Variants in FGF14 observed in about 807,000 individuals in gnomAD.
The protein encoded by FGF14 is fibroblast growth factor homologous factor 4.
A neutral mutation model predicts 25.5 loss-of-function variants in FGF14; 5 were observed. That is an observed-to-expected ratio of 0.20 (90% confidence interval 0.10 to 0.41). The LOEUF is 0.41. Ranked by LOEUF, FGF14 falls within the 10% of genes least tolerant of loss-of-function variation. The pLI is 1.00. For missense variants in FGF14, 222 were observed against 320.1 expected (o/e 0.69, Z 2.34); for synonymous variants, 138 against 118.3 (o/e 1.17, Z -1.08).
intron 3 of FGF14, among the ~76,000 whole-genome samples, chr13:101,731,990 G>T (rs1394285372): frequency 6.6e-6 from 1 of 152,150 alleles, no homozygotes; most frequent in Non-Finnish European, 1.5e-5. Context: ...GGTAAAATTT[G>T]AGGACTTTCC....
At chr13:102,205,279 T>C (rs1251044936) in intron 1 of FGF14, among the ~76,000 whole-genome samples, 1 of 152,200 alleles carries the variant, frequency 6.6e-6, no homozygotes, top group Non-Finnish European at 1.5e-5. Context: ...ATTTCTAATA[T>C]TGACCTTACA....
intron 3 of FGF14, among the ~76,000 whole-genome samples, chr13:101,744,546 T>C (rs748460114): frequency 5.9e-5 from 9 of 152,082 alleles, no homozygotes; most frequent in Non-Finnish European, 8.8e-5. Context: ...GCACAGTAGA[T>C]GATTAATAAA....
chr13:102,187,897 T>C (rs950917239), intron 1 of FGF14, among the ~76,000 whole-genome samples: 1 of 152,278 alleles, frequency 6.6e-6, no homozygotes, highest in Middle Eastern at 3.4e-3. Context: ...ATTCCACATA[T>C]AATGGGTAAA....
At chr13:102,052,833 C>A (rs1163904428) in intron 1 of FGF14, among the ~76,000 whole-genome samples, 1 of 152,026 alleles carries the variant, frequency 6.6e-6, no homozygotes, top group Non-Finnish European at 1.5e-5. Flanking sequence ...ACAAAAACAT[C>A]TGAAAGTACA....
At chr13:101,978,317 G>T (rs1347622253) in intron 1 of FGF14, among the ~76,000 whole-genome samples, 1 of 152,152 alleles carries the variant, frequency 6.6e-6, no homozygotes, top group Non-Finnish European at 1.5e-5. Context: ...GCATTTTCTT[G>T]ACATTTCTAG....
chr13:101,798,858 A>G (rs2040709457), intron 3 of FGF14, among the ~76,000 whole-genome samples: 1 of 152,174 alleles, frequency 6.6e-6, no homozygotes, highest in Admixed American at 6.6e-5. Context: ...TGGCGTAAGC[A>G]GTGAGAAAGT....
intron 3 of FGF14, among the ~76,000 whole-genome samples, chr13:101,751,694 A>G (rs2037284943): frequency 6.6e-6 from 1 of 152,170 alleles, no homozygotes; most frequent in Non-Finnish European, 1.5e-5. Flanking sequence ...ATTAATTTAC[A>G]TATTGCCTAA....
chr13:102,057,645 A>T (rs2042494557), intron 1 of FGF14, among the ~76,000 whole-genome samples: 1 of 152,198 alleles, frequency 6.6e-6, no homozygotes. Context: ...ATAGCTATTT[A>T]TGGCATGAAT....
In FGF14 at chr13:102,176,256, T is replaced by C. The variant is rs183354696; in HGVS notation, c.208+225215A>G. ...GCAGCCACAAAGAAGAATGAAATCA[T>C]GTCTTTTGTAGCAACATGGATGGAA... On this transcript the variant is annotated intron_variant, in intron 1 of 4. Transcript: ENST00000376131. Among the ~76,000 whole-genome samples, 225 of 152,292 alleles carry C rather than the reference T, an allele frequency of 1.5e-3. 2 individuals are homozygous for C. The highest frequency in any genetic ancestry group is 5.1e-3 in the African/African-American group (211 of 41,580).
chr13:101,811,694 T>C (rs1322700), intron 3 of FGF14, among the ~76,000 whole-genome samples: 151,333 of 152,324 alleles, frequency 0.99, 75,186 homozygotes, highest in Middle Eastern at 1. Context: ...AACTGCCAAG[T>C]TGTCTTTCAA....
chr13:102,140,341 C>G (rs2046597166), intron 1 of FGF14, among the ~76,000 whole-genome samples: 1 of 152,114 alleles, frequency 6.6e-6, no homozygotes, highest in African/African-American at 2.4e-5. Context: ...AAAACAGACT[C>G]AGTGCTTTCT....
chr13:102,102,611 C>T (rs1396737580), intron 1 of FGF14, among the ~76,000 whole-genome samples: 1 of 152,198 alleles, frequency 6.6e-6, no homozygotes, highest in African/African-American at 2.4e-5. Flanking sequence ...TGCCCTGCCA[C>T]TGAATATCAC....
intron 1 of FGF14, among the ~76,000 whole-genome samples, chr13:102,331,951 G>A (rs1030168905): frequency 6.6e-6 from 1 of 152,168 alleles, no homozygotes; most frequent in Non-Finnish European, 1.5e-5. Context: ...AAAGGGCACA[G>A]AAATAGCAAT....
intron 1 of FGF14, among the ~76,000 whole-genome samples, chr13:102,133,382 T>C (rs574889535): frequency 6.6e-6 from 1 of 152,336 alleles, no homozygotes; most frequent in African/African-American, 2.4e-5. Flanking sequence ...CTTACGAATG[T>C]CTTATTAAAA....
intron 1 of FGF14, among the ~76,000 whole-genome samples, chr13:102,031,327 A>G (rs1158543358): frequency 2.0e-5 from 3 of 152,140 alleles, no homozygotes; most frequent in Non-Finnish European, 4.4e-5. Flanking sequence ...TTAGCAACAC[A>G]TTACACACCA....
chr13:102,119,412 C>A (rs1275106499), intron 1 of FGF14, among the ~76,000 whole-genome samples: 1 of 152,012 alleles, frequency 6.6e-6, no homozygotes, highest in African/African-American at 2.4e-5. Flanking sequence ...AATGCAATAA[C>A]CTTGATTGGA....
intron 1 of FGF14, 129 bp downstream of exon 1, chr13:101,916,324 G>T: frequency 8.7e-7 from 1 of 1,149,340 alleles, no homozygotes; most frequent in Non-Finnish European, 1.3e-6. Flanking sequence ...GGCACCCAGA[G>T]TGCTCAGAAG....
rs2034776127 is a variant in FGF14 at position 101,717,657 on chromosome 13, C to T, written c.*5174G>A. 1 of 149,588 alleles carries T rather than the reference C, an allele frequency of 6.7e-6. No homozygotes were observed. Among genetic ancestry groups the T allele is most frequent in the Non-Finnish European group, 1.5e-5 (1 of 66,958 alleles). The allele number at this position is 149,588 out of a possible 1,614,324, so 9.3% of individuals were successfully genotyped here. A position where few individuals can be genotyped will look rare whatever the true frequency, so the allele number is the denominator to read the frequency against. ...TTACGGACCACGTACGTCCCTGTCT[C>T]ATATTCTTCTTTGTTGGTTTCTGTT... On this transcript the variant is annotated 3_prime_UTR_variant, in exon 5 of 5. Transcript: ENST00000376143.
Position 102,031,428 on chromosome 13 carries a change from A to G in FGF14, c.209-156132T>C, listed in dbSNP as rs541509869. Among the ~76,000 whole-genome samples the G allele has an allele frequency of 1.1e-4, 17 of 152,208 alleles. 1 individual carries two copies. In the East Asian group the frequency reaches 2.9e-3, roughly 26 times the overall value. On this transcript the variant is annotated intron_variant, in intron 1 of 4. Coordinates refer to the FGF14 transcript ENST00000376131. ...ATTATTTGCCCACATTCGTACAGCTAGTGCTGGGGATTAGAATTCAGATCT... is the reference window on the plus strand; with the variant it reads ...ATTATTTGCCCACATTCGTACAGCTGGTGCTGGGGATTAGAATTCAGATCT...
Sources: allele counts gnomAD v4.1 joint callset (sites outside exome capture counted in the v4.1 genomes callset), GRCh38; gene constraint gnomAD v4.1.1; transcripts MANE v1.5; gene names NCBI Gene and HGNC (gene_info 2026-07-23, HGNC 2026-07-21).